The following SGCZ variants were observed in gnomAD, a reference collection of about 807,000 sequenced individuals.
The protein encoded by SGCZ is zeta-sarcoglycan.
A neutral mutation model predicts 41.3 loss-of-function variants in SGCZ; 40 were observed. The observed-to-expected ratio is 0.97, with a 90% CI of 0.75 to 1.26. SGCZ has a LOEUF of 1.26. Among genes scored for constraint, SGCZ ranks in the 50% most tolerant of loss-of-function variants. SGCZ has a pLI of 0.00. For synonymous variants in SGCZ, 206 were observed against 137.5 expected, an observed-to-expected ratio of 1.50 and a Z score of -3.49; for missense variants, 552 against 369.8, an observed-to-expected ratio of 1.49 and a Z score of -4.04.
chr8:14,673,420 C>G (rs191495453), intron 1 of SGCZ, among the ~76,000 whole-genome samples: 12 of 151,764 alleles, frequency 7.9e-5, no homozygotes, highest in African/African-American at 2.9e-4. Context: ...CTCGCGCTCG[C>G]GCTGTCTCTC....
chr8:14,629,728 A>T lies in SGCZ; in HGVS notation c.40-74802T>A, dbSNP rs540322873. Among the ~76,000 whole-genome samples, 6 of 151,806 alleles carry T rather than the reference A, an allele frequency of 4.0e-5. No homozygotes were observed. In the South Asian group the frequency reaches 6.3e-4, roughly 16 times the overall value. The stretch of plus-strand genomic sequence containing the variant: ...TGTCTGGTCTATTTAGGACTTTTTT[A>T]GGGTAAACAAAACTGAAATCTATGG... On this transcript the variant is annotated intron_variant, in intron 1 of 7. Coordinates refer to ENST00000382080, the MANE Select transcript of SGCZ (RefSeq NM_139167.4).
chr8:14,177,666 C>T (rs1482272461), intron 4 of SGCZ, among the ~76,000 whole-genome samples: 1 of 147,546 alleles, frequency 6.8e-6, no homozygotes, highest in Admixed American at 6.8e-5. Flanking sequence ...CCCGCCACCA[C>T]GCCCTGCTAT....
intron 4 of SGCZ, among the ~76,000 whole-genome samples, chr8:14,215,771 A>T (rs567878334): frequency 1.3e-5 from 2 of 152,336 alleles, no homozygotes; most frequent in South Asian, 4.1e-4. Context: ...ATATTACCAA[A>T]AGCAAAATAA....
At chr8:14,752,422 T>C (rs1330185126) in intron 1 of SGCZ, among the ~76,000 whole-genome samples, 1 of 152,232 alleles carries the variant, frequency 6.6e-6, no homozygotes, top group African/African-American at 2.4e-5. Context: ...CCTTTTATTT[T>C]GCTTGGGCCA....
intron 2 of SGCZ, among the ~76,000 whole-genome samples, chr8:14,495,866 C>G (rs549907599): frequency 6.6e-6 from 1 of 152,068 alleles, no homozygotes; most frequent in South Asian, 2.1e-4. Flanking sequence ...AAAACAAGCC[C>G]TTCCTGGGTG....
At chr8:14,248,159 T>G (rs1457615259) in intron 3 of SGCZ, among the ~76,000 whole-genome samples, 1 of 152,202 alleles carries the variant, frequency 6.6e-6, no homozygotes, top group Non-Finnish European at 1.5e-5. Context: ...GGTGAGCTGG[T>G]AGATTTTTCA....
intron 2 of SGCZ, among the ~76,000 whole-genome samples, chr8:14,446,628 C>A (rs986461874): frequency 1.3e-5 from 2 of 152,066 alleles, no homozygotes; most frequent in Non-Finnish European, 2.9e-5. Context: ...ACATTATGTA[C>A]AATTTTGTCA....
At chr8:14,624,708 C>T (rs1353220769) in intron 1 of SGCZ, among the ~76,000 whole-genome samples, 1 of 151,316 alleles carries the variant, frequency 6.6e-6, no homozygotes, top group African/African-American at 2.4e-5. Context: ...GTAACTGGCA[C>T]TACAGATGTG....
chr8:15,065,878 T>G (rs966232737), intron 1 of SGCZ, among the ~76,000 whole-genome samples: 1 of 152,222 alleles, frequency 6.6e-6, no homozygotes, highest in African/African-American at 2.4e-5. Context: ...AATATATTTT[T>G]GAATGATTGA....
chr8:14,964,427 T>A (rs1001576980), intron 1 of SGCZ, among the ~76,000 whole-genome samples: 3 of 152,166 alleles, frequency 2.0e-5, no homozygotes, highest in African/African-American at 7.2e-5. Flanking sequence ...TGCCTAGGAC[T>A]TTAGAGCTTC....
intron 5 of SGCZ, among the ~76,000 whole-genome samples, chr8:14,127,420 AT>A: frequency 6.6e-6 from 1 of 152,070 alleles, no homozygotes; most frequent in East Asian, 1.9e-4. Context: ...ACTTTGATTA[AT>A]TTTAATATTG....
chr8:14,598,389 G>T (rs1345675174), intron 1 of SGCZ, among the ~76,000 whole-genome samples: 4 of 151,566 alleles, frequency 2.6e-5, no homozygotes, highest in African/African-American at 7.3e-5. Context: ...CTTCCTAATT[G>T]CCGGTTCCCT....
chr8:14,324,027 T>C lies in SGCZ; in HGVS notation c.336+76A>G. 3 of 945,990 alleles carry C rather than the reference T, an allele frequency of 3.2e-6. No homozygotes were observed. The South Asian group carries it at 4.3e-5, about 13-fold the overall frequency. The allele number at this position is 945,990 out of a possible 1,614,324, so 58.6% of individuals were successfully genotyped here. A position where few individuals can be genotyped will look rare whatever the true frequency, so the allele number is the denominator to read the frequency against. On this transcript the variant is annotated intron_variant, in intron 3 of 7. Coordinates refer to ENST00000382080, the MANE Select transcript of SGCZ (RefSeq NM_139167.4). ...AACACATGCTGAAGAGATAAGGGGA[T>C]TCTACCCTGCTATTTCAAGCTAAAA...
At chr8:15,134,802 GAA>G (rs1808047834) in intron 1 of SGCZ, among the ~76,000 whole-genome samples, 1 of 152,142 alleles carries the variant, frequency 6.6e-6, no homozygotes, top group Non-Finnish European at 1.5e-5. Flanking sequence ...GTAACAGAAA[GAA>G]AAATATCTCA....
chr8:14,120,855 CA>C (rs1802675377), intron 5 of SGCZ, among the ~76,000 whole-genome samples: 1 of 151,804 alleles, frequency 6.6e-6, no homozygotes, highest in Non-Finnish European at 1.5e-5. Context: ...ATAATTTTAC[CA>C]AAAACTTTGA....
intron 1 of SGCZ, among the ~76,000 whole-genome samples, chr8:15,107,034 T>C (rs1165476134): frequency 6.6e-6 from 1 of 152,218 alleles, no homozygotes; most frequent in Non-Finnish European, 1.5e-5. Flanking sequence ...GATCTAAATC[T>C]GCATTCCTTA....
chr8:14,759,597 G>C (rs918004450), intron 1 of SGCZ, among the ~76,000 whole-genome samples: 4 of 152,114 alleles, frequency 2.6e-5, no homozygotes, highest in Non-Finnish European at 4.4e-5. Context: ...AAGATTCATA[G>C]AGAGTCTATT....
intron 2 of SGCZ, among the ~76,000 whole-genome samples, chr8:14,521,482 T>A (rs1336180791): frequency 6.6e-6 from 1 of 152,050 alleles, no homozygotes; most frequent in South Asian, 2.1e-4. Context: ...GTTAAAAAAA[T>A]AGTTCATTCC....
chr8:14,111,656 A>G (rs1391073460), intron 5 of SGCZ, among the ~76,000 whole-genome samples: 1 of 152,236 alleles, frequency 6.6e-6, no homozygotes, highest in Non-Finnish European at 1.5e-5. Flanking sequence ...TACAAGACAT[A>G]GGGAAAACCT....
Sources: gnomAD v4.1 joint callset for allele counts (sites outside exome capture counted in the v4.1 genomes callset) on GRCh38, gnomAD v4.1.1 for gene constraint, MANE v1.5 for transcripts, NCBI Gene and HGNC (gene_info 2026-07-23, HGNC 2026-07-21) for gene names.